Variants in RARB observed in about 807,000 individuals in gnomAD.
RARB encodes HBV-activated protein.
Under a neutral mutation model 51.9 loss-of-function variants are expected in RARB, and 17 were observed. The observed-to-expected ratio is 0.33, with a 90% CI of 0.22 to 0.49. RARB has a LOEUF of 0.49. RARB is among the 20% of genes least tolerant of loss of function. The pLI is 0.99. For synonymous variants in RARB, 215 were observed against 195.4 expected (o/e 1.10, Z -0.84); for missense variants, 369 against 550.8 (o/e 0.67, Z 3.30).
chr3:25,576,809 C>T lies in RARB; in HGVS notation c.610-3737C>T, dbSNP rs563160997. 1.2e-3 allele frequency among the ~76,000 whole-genome samples: 182 copies of T among 152,334 alleles called. 2 individuals carry two copies. The highest frequency in any genetic ancestry group is 4.2e-3 in the African/African-American group (175 of 41,580). On this transcript the variant is annotated intron_variant, in intron 4 of 7. Transcript: ENST00000330688. ...TACAGGGTGGCTGCCAAGCTGCCTT[C>T]TCCCCACCTGTTGGAGGCATCTGGT...
At chr3:25,259,239 G>C (rs963513624) in intron 5 of RARB, among the ~76,000 whole-genome samples, 1 of 152,106 alleles carries the variant, frequency 6.6e-6, no homozygotes, top group Non-Finnish European at 1.5e-5. Context: ...TTCCATAATA[G>C]GGAGTTTTTG....
chr3:25,415,117 C>T (rs549707752), intron 5 of RARB, among the ~76,000 whole-genome samples: 10 of 152,260 alleles, frequency 6.6e-5, no homozygotes, highest in Non-Finnish European at 1.2e-4. Context: ...GCTGGGATTG[C>T]GCTTTGCACT....
intron 2 of RARB, among the ~76,000 whole-genome samples, chr3:25,488,084 C>T (rs1319741148): frequency 6.6e-6 from 1 of 152,094 alleles, no homozygotes; most frequent in Non-Finnish European, 1.5e-5. Flanking sequence ...CCACAATTCC[C>T]CAAAGTCTAG....
chr3:25,446,115 A>C (rs1708920272), intron 1 of RARB, among the ~76,000 whole-genome samples: 1 of 152,214 alleles, frequency 6.6e-6, no homozygotes, highest in South Asian at 2.1e-4. Flanking sequence ...TGTATACATG[A>C]GGTTTTGAAG....
intron 2 of RARB, among the ~76,000 whole-genome samples, chr3:24,982,162 A>G (rs570935096): frequency 1.3e-5 from 2 of 151,928 alleles, no homozygotes; most frequent in African/African-American, 4.8e-5. Context: ...TGGCCTGGGC[A>G]CTCTCTCAGC....
intron 2 of RARB, among the ~76,000 whole-genome samples, chr3:25,059,239 G>A (rs971090344): frequency 5.9e-5 from 9 of 151,484 alleles, no homozygotes; most frequent in Admixed American, 3.3e-4. Flanking sequence ...ATGTACATTC[G>A]TTTCCAGTTT....
chr3:25,206,768 T>A (rs1478933858), intron 5 of RARB, among the ~76,000 whole-genome samples: 1 of 152,214 alleles, frequency 6.6e-6, no homozygotes, highest in Non-Finnish European at 1.5e-5. Flanking sequence ...TGGATGCTTA[T>A]TCATGCCCGA....
chr3:24,892,067 C>G (rs368760671), intron 2 of RARB, among the ~76,000 whole-genome samples: 1 of 151,974 alleles, frequency 6.6e-6, no homozygotes, highest in African/African-American at 2.4e-5. Flanking sequence ...TATGGGGAGA[C>G]AGATGATGGG....
chr3:25,270,754 A>T (rs542606178), intron 5 of RARB, among the ~76,000 whole-genome samples: 5 of 152,348 alleles, frequency 3.3e-5, no homozygotes, highest in African/African-American at 1.2e-4. Flanking sequence ...TCTAGTGCAG[A>T]TGAGGAAAAT....
At chr3:25,047,256 G>T (rs1203273578) in intron 2 of RARB, among the ~76,000 whole-genome samples, 1 of 152,054 alleles carries the variant, frequency 6.6e-6, no homozygotes, top group Non-Finnish European at 1.5e-5. Flanking sequence ...AATGGCAAAT[G>T]GTGACTCATA....
intron 2 of RARB, among the ~76,000 whole-genome samples, chr3:24,953,857 T>C (rs185656778): frequency 4.7e-4 from 71 of 152,282 alleles, no homozygotes; most frequent in Non-Finnish European, 9.1e-4. Context: ...GAGGTTAACT[T>C]TCTTCAAAGG....
chr3:25,539,937 C>T (rs142075866), intron 3 of RARB, among the ~76,000 whole-genome samples: 7 of 151,978 alleles, frequency 4.6e-5, no homozygotes, highest in Admixed American at 2.6e-4. Flanking sequence ...ATCAAAAATA[C>T]GGTATTTATG....
chr3:25,118,393 C>T (rs1604011), intron 3 of RARB, among the ~76,000 whole-genome samples: 74,336 of 151,958 alleles, frequency 0.49, 18,555 homozygotes, highest in East Asian at 0.66. Context: ...GTATCTCTTT[C>T]ACACCTTGTG....
intron 3 of RARB, among the ~76,000 whole-genome samples, chr3:25,521,594 T>C (rs942428435): frequency 1.3e-5 from 2 of 152,154 alleles, no homozygotes; most frequent in Non-Finnish European, 2.9e-5. Flanking sequence ...GGAATGAATA[T>C]ACAGTATCCA....
intron 3 of RARB, among the ~76,000 whole-genome samples, chr3:25,120,195 C>A (rs923388617): frequency 6.6e-6 from 1 of 152,084 alleles, no homozygotes; most frequent in Non-Finnish European, 1.5e-5. Flanking sequence ...AGATAGGTAA[C>A]ATCAAGAGGC....
chr3:24,861,232 G>A (rs1263929387), intron 2 of RARB, among the ~76,000 whole-genome samples: 1 of 152,164 alleles, frequency 6.6e-6, no homozygotes, highest in Non-Finnish European at 1.5e-5. Flanking sequence ...TTAGGTATAA[G>A]TAATCTAGAG....
intron 1 of RARB, among the ~76,000 whole-genome samples, chr3:25,456,825 C>T (rs1340465079): frequency 1.3e-5 from 2 of 150,750 alleles, no homozygotes; most frequent in Non-Finnish European, 3.0e-5. Context: ...GCATTTGTAG[C>T]ATTCAAATTA....
At chr3:25,447,288 T>A (rs891743383) in intron 1 of RARB, among the ~76,000 whole-genome samples, 4 of 152,216 alleles carry the variant, frequency 2.6e-5, no homozygotes, top group Middle Eastern at 3.4e-3. Flanking sequence ...TAGCCCTGAG[T>A]ATTTAAAGTC....
At chr3:25,196,044 A>G (rs932647284) in intron 5 of RARB, among the ~76,000 whole-genome samples, 1 of 151,858 alleles carries the variant, frequency 6.6e-6, no homozygotes, top group African/African-American at 2.4e-5. Context: ...TAGGTTATCA[A>G]GTATCTCATT....
Sources: gnomAD v4.1 joint callset for allele counts (sites outside exome capture counted in the v4.1 genomes callset) on GRCh38, gnomAD v4.1.1 for gene constraint, MANE v1.5 for transcripts, NCBI Gene and HGNC (gene_info 2026-07-23, HGNC 2026-07-21) for gene names.